DYM: variants seen among roughly 807,000 people sequenced by gnomAD.
The protein encoded by DYM is dyggve-Melchior-Clausen syndrome protein.
DYM carries 78 observed loss-of-function variants against 93.1 expected under a neutral mutation model. The observed-to-expected ratio is 0.84, with a 90% CI of 0.70 to 1.01. The LOEUF (loss-of-function observed/expected upper bound fraction) is 1.01. Ranked by LOEUF, DYM falls within the 50% of genes least tolerant of loss-of-function variation. The probability of loss-of-function intolerance (pLI) is 0.00; values close to 1 mark genes in which losing one functional copy is unlikely to be tolerated. For synonymous variants in DYM, 321 were observed against 319.7 expected, an observed-to-expected ratio of 1.00 and a Z score of -0.04; for missense variants, 789 against 845.0, an observed-to-expected ratio of 0.93 and a Z score of 0.82.
intron 13 of DYM, among the ~76,000 whole-genome samples, chr18:49,240,097 C>T (rs2093974705): frequency 6.6e-6 from 1 of 151,960 alleles, no homozygotes; most frequent in South Asian, 2.1e-4. Flanking sequence ...TAAATGGAAG[C>T]ATGAATAATA....
intron 16 of DYM, among the ~76,000 whole-genome samples, chr18:49,101,293 C>T (rs1196200004): frequency 6.6e-6 from 1 of 152,170 alleles, no homozygotes; most frequent in South Asian, 2.1e-4. Context: ...AAGGAAGGTA[C>T]TTTTCCAAAG....
chr18:49,207,503 G>T (rs925617295), intron 14 of DYM, among the ~76,000 whole-genome samples: 1 of 152,190 alleles, frequency 6.6e-6, no homozygotes, highest in Non-Finnish European at 1.5e-5. Flanking sequence ...TGCTGTGAAG[G>T]TATTTGCAGA....
At chr18:49,158,972 T>C (rs752584236) in intron 15 of DYM, among the ~76,000 whole-genome samples, 2 of 152,200 alleles carry the variant, frequency 1.3e-5, no homozygotes, top group African/African-American at 4.8e-5. Context: ...TTACTCATTG[T>C]ACGTGGGTAT....
chr18:49,303,386 C>A (rs2061067963), intron 8 of DYM, among the ~76,000 whole-genome samples: 1 of 152,194 alleles, frequency 6.6e-6, no homozygotes, highest in Non-Finnish European at 1.5e-5. Context: ...CATTCTAATA[C>A]TGTATAATGA....
At position 49,250,962 on chromosome 18, in the gene DYM, C is replaced by T. The variant is rs147795778; in HGVS notation, c.1460+6048G>A. 1.6e-4 allele frequency among the ~76,000 whole-genome samples: 25 copies of T among 152,282 alleles called. 1 individual carries two copies. Among genetic ancestry groups the T allele is most frequent in the East Asian group, 1.9e-4 (1 of 5,170 alleles). The stretch of plus-strand genomic sequence containing the variant: ...CAGCCTTGACACTACTGCCATTCTG[C>T]GTTGGGTAATGCTTTCTTGTGGGGT... On this transcript the variant is annotated intron_variant, in intron 13 of 17. Transcript: ENST00000675505.
chr18:49,218,430 A>AC (rs2093185373), intron 13 of DYM, among the ~76,000 whole-genome samples: 1 of 152,332 alleles, frequency 6.6e-6, no homozygotes, highest in Admixed American at 6.5e-5. Context: ...AGAACTCTGC[A>AC]CCCCAAATCA....
chr18:49,314,277 A>T (rs1034396827), intron 8 of DYM, among the ~76,000 whole-genome samples: 1 of 152,208 alleles, frequency 6.6e-6, no homozygotes, highest in African/African-American at 2.4e-5. Context: ...TTCACTCAAC[A>T]TTGTGCTGTA....
intron 13 of DYM, among the ~76,000 whole-genome samples, chr18:49,235,949 A>T (rs900302123): frequency 3.4e-4 from 52 of 152,316 alleles, no homozygotes; most frequent in Admixed American, 2.9e-3. Flanking sequence ...AACTAATTCA[A>T]TTCTCATTTT....
chr18:49,143,066 T>C (rs999087492), intron 15 of DYM, among the ~76,000 whole-genome samples: 4 of 152,244 alleles, frequency 2.6e-5, no homozygotes, highest in South Asian at 4.1e-4. Flanking sequence ...CATATGATCA[T>C]ACCTATCATT....
At chr18:49,345,687 T>G (rs1024635621) in intron 6 of DYM, among the ~76,000 whole-genome samples, 4 of 152,184 alleles carry the variant, frequency 2.6e-5, no homozygotes, top group Admixed American at 6.5e-5. Flanking sequence ...AATCAGCTTA[T>G]AGATCCTTAA....
intron 6 of DYM, among the ~76,000 whole-genome samples, chr18:49,343,231 A>G (rs961104867): frequency 2.6e-4 from 40 of 152,154 alleles, no homozygotes; most frequent in African/African-American, 9.4e-4. Context: ...CTCAGCCTCT[A>G]AGACCCTGTA....
chr18:49,295,539 C>T (rs933697307), intron 8 of DYM, among the ~76,000 whole-genome samples: 3 of 152,098 alleles, frequency 2.0e-5, no homozygotes, highest in Non-Finnish European at 4.4e-5. Flanking sequence ...TGTATGAGGA[C>T]ACTGCAGGAG....
intron 8 of DYM, among the ~76,000 whole-genome samples, chr18:49,315,310 T>C (rs966870486): frequency 1.3e-5 from 2 of 152,100 alleles, no homozygotes; most frequent in Non-Finnish European, 2.9e-5. Context: ...GCACAAAAAA[T>C]TGTATGGTAT....
At chr18:49,203,886 A>C (rs2092315502) in intron 14 of DYM, among the ~76,000 whole-genome samples, 2 of 141,948 alleles carry the variant, frequency 1.4e-5, no homozygotes, top group African/African-American at 5.1e-5. Flanking sequence ...AAAAAAAAAA[A>C]AAAAAAAAAA....
chr18:49,046,772 T>C (rs1024031825), intron 17 of DYM, among the ~76,000 whole-genome samples: 4 of 152,076 alleles, frequency 2.6e-5, no homozygotes, highest in Admixed American at 6.5e-5. Flanking sequence ...TGATGGCGCA[T>C]GTCTGTAGCT....
chr18:49,394,402 T>C (rs778636521), intron 2 of DYM, among the ~76,000 whole-genome samples: 16 of 152,116 alleles, frequency 1.1e-4, no homozygotes, highest in Non-Finnish European at 2.2e-4. Flanking sequence ...TTTTTTTTTA[T>C]ACCAGTACCA....
intron 13 of DYM, among the ~76,000 whole-genome samples, chr18:49,228,255 C>G (rs780813905): frequency 6.6e-6 from 1 of 152,106 alleles, no homozygotes; most frequent in African/African-American, 2.4e-5. Context: ...TATGCATCAT[C>G]ATTACCTTTA....
intron 14 of DYM, among the ~76,000 whole-genome samples, chr18:49,169,134 C>A (rs1034018962): frequency 6.6e-6 from 1 of 152,150 alleles, no homozygotes; most frequent in African/African-American, 2.4e-5. Context: ...AAAGCAAAAG[C>A]AACACAGTTT....
At chr18:49,288,923 G>GA (rs1476385286) in intron 8 of DYM, among the ~76,000 whole-genome samples, 2 of 151,980 alleles carry the variant, frequency 1.3e-5, no homozygotes, top group African/African-American at 4.8e-5. Context: ...ATTTCTACAT[G>GA]AAAAAAATAC....
Sources: allele counts gnomAD v4.1 joint callset (sites outside exome capture counted in the v4.1 genomes callset), GRCh38; gene constraint gnomAD v4.1.1; transcripts MANE v1.5; gene names NCBI Gene and HGNC (gene_info 2026-07-23, HGNC 2026-07-21).